Variants in UBA6 observed in about 807,000 individuals in gnomAD.
UBA6 encodes the protein ubiquitin-like modifier-activating enzyme 6.
A neutral mutation model predicts 148.3 loss-of-function variants in UBA6; 87 were observed. That is an observed-to-expected ratio of 0.59 (90% confidence interval 0.49 to 0.70). The LOEUF is 0.70. Among genes scored for constraint, UBA6 ranks in the 30% least tolerant of loss-of-function variants. UBA6 has a pLI of 0.00. For synonymous variants in UBA6, 376 were observed against 401.0 expected (o/e 0.94, Z 0.75); for missense variants, 1,186 against 1,241.2 (o/e 0.96, Z 0.67).
intron 2 of UBA6, among the ~76,000 whole-genome samples, chr4:67,695,695 T>C (rs1730816189): frequency 6.6e-6 from 1 of 152,176 alleles, no homozygotes; most frequent in African/African-American, 2.4e-5. Flanking sequence ...CAGTTAACCC[T>C]TATACAACAA....
At chr4:67,678,035 T>C (rs1293670639) in intron 5 of UBA6, among the ~76,000 whole-genome samples, 1 of 146,472 alleles carries the variant, frequency 6.8e-6, no homozygotes, top group Non-Finnish European at 1.5e-5. Flanking sequence ...TTCAAGGAAA[T>C]ACATTTCTAG....
intron 3 of UBA6, 148 bp downstream of exon 3, chr4:67,681,971 A>G: frequency 3.1e-6 from 2 of 644,966 alleles, no homozygotes; most frequent in Non-Finnish European, 5.5e-6. Context: ...ACATCACGAA[A>G]TAGTCTTGAC....
chr4:67,685,881 A>G (rs1577838406), intron 2 of UBA6, among the ~76,000 whole-genome samples: 1 of 152,298 alleles, frequency 6.6e-6, no homozygotes, highest in Admixed American at 6.5e-5. Flanking sequence ...CCTAGCCTCC[A>G]TAACTGTGAG....
intron 13 of UBA6, among the ~76,000 whole-genome samples, chr4:67,655,009 T>C (rs963727952): frequency 6.6e-6 from 1 of 152,194 alleles, no homozygotes; most frequent in Non-Finnish European, 1.5e-5. Flanking sequence ...TAAATATATA[T>C]GCACCCAATA....
rs768785234 is a variant in UBA6, at chr4:67,634,440, C to A, written c.1921G>T (p.Ala641Ser). 1.6e-5 allele frequency: 25 copies of A among 1,580,756 alleles called. No homozygotes were observed. The East Asian group carries it at 5.4e-4, about 34-fold the overall frequency. The change falls in exon 21 of 33, where the codon GCA becomes TCA. Residue 641 changes from alanine to serine, a missense_variant. Coordinates refer to ENST00000322244, the MANE Select transcript of UBA6 (RefSeq NM_018227.6). ...AAAGGAACTTTTACCTTATCTCTTGCCCACTGTATGGTATGTTCAATAGCA... is the reference window on the plus strand; with the variant it reads ...AAAGGAACTTTTACCTTATCTCTTGACCACTGTATGGTATGTTCAATAGCA... The part of the protein sequence containing the change: ...PAAIEHTIQW[A>S]RDKFESSFSH...
chr4:67,619,456 A>T (rs1232754313), intron 32 of UBA6, among the ~76,000 whole-genome samples: 2 of 152,100 alleles, frequency 1.3e-5, no homozygotes, highest in African/African-American at 4.8e-5. Context: ...CAGGCAGATC[A>T]CCTCAGGTCA....
intron 1 of UBA6, 69 bp downstream of exon 1, chr4:67,700,980 A>G: frequency 6.3e-7 from 1 of 1,591,110 alleles, no homozygotes. Context: ...CGCCGGAAAG[A>G]AAGAAGCAGA....
At chr4:67,628,248 C>T (rs997559814) in intron 27 of UBA6, among the ~76,000 whole-genome samples, 9 of 151,862 alleles carry the variant, frequency 5.9e-5, no homozygotes, top group African/African-American at 2.2e-4. Flanking sequence ...TCACTCTGAG[C>T]TACTAAGCTA....
chr4:67,644,437 A>G (rs1729374022), intron 17 of UBA6, among the ~76,000 whole-genome samples: 1 of 152,176 alleles, frequency 6.6e-6, no homozygotes, highest in South Asian at 2.1e-4. Context: ...GTTATGAGAT[A>G]GGTAGTACAA....
At chr4:67,632,022 A>G in intron 23 of UBA6, 114 bp from the exon 24 acceptor site, 1 of 949,862 alleles carries the variant, frequency 1.1e-6, no homozygotes, top group African/African-American at 1.7e-5. Flanking sequence ...TTCAAAAATC[A>G]AAACACATTA....
intron 20 of UBA6, 96 bp from the exon 21 acceptor site, chr4:67,634,614 C>G: frequency 1.3e-6 from 1 of 785,108 alleles, no homozygotes; most frequent in South Asian, 3.3e-5. Flanking sequence ...TATTAAAAAT[C>G]CAAAAATAAA....
intron 17 of UBA6, among the ~76,000 whole-genome samples, chr4:67,644,010 T>C (rs1215950276): frequency 6.6e-6 from 1 of 152,118 alleles, no homozygotes; most frequent in Non-Finnish European, 1.5e-5. Context: ...TATGATCTTT[T>C]GAATTGGAAT....
rs2109890173 is a variant in UBA6, at chr4:67,618,786, ATAGCCACGTGTGAACCGT to A, written c.*193_*210del. 2.3e-6 allele frequency: 1 copy of A among 432,132 alleles called. No homozygotes were observed. Among genetic ancestry groups the A allele is most frequent in the African/African-American group, 2.0e-5 (1 of 49,278 alleles). 26.8% of individuals were successfully genotyped at this position (432,132 alleles called of 1,614,324 possible). A position where few individuals can be genotyped will look rare whatever the true frequency, so the allele number is the denominator to read the frequency against. ...TTCCAGTTCAAAGTTGCTTGTGATC[ATAGCCACGTGTGAACCGT>A]TAGACAAGTGTATGCTATGCCCCAA... is the stretch of plus-strand genomic sequence containing the variant. On this transcript the variant is annotated 3_prime_UTR_variant, in exon 33 of 33. Transcript: ENST00000322244.
chr4:67,700,906 G>T, intron 1 of UBA6, 143 bp downstream of exon 1: 1 of 936,044 alleles, frequency 1.1e-6, no homozygotes, highest in Non-Finnish European at 1.6e-6. Context: ...CCCACTCCGC[G>T]CGCGCCCCTC....
At chr4:67,663,333 T>C (rs969300388) in intron 11 of UBA6, 118 bp from the exon 12 acceptor site, 3 of 618,234 alleles carry the variant, frequency 4.9e-6, no homozygotes, top group Non-Finnish European at 8.5e-6. Flanking sequence ...AGCTTAATAC[T>C]GTTATTAACT....
intron 28 of UBA6, 28 bp downstream of exon 28, chr4:67,626,332 A>G: frequency 6.8e-7 from 1 of 1,481,410 alleles, no homozygotes; most frequent in East Asian, 2.3e-5. Context: ...ATCCAGTTCA[A>G]AACATTTTTA....
intron 2 of UBA6, among the ~76,000 whole-genome samples, chr4:67,692,156 T>C (rs1730708615): frequency 1.3e-5 from 2 of 152,218 alleles, no homozygotes; most frequent in East Asian, 3.9e-4. Flanking sequence ...AAAGGATAGT[T>C]TGATAACTTT....
chr4:67,670,034 C>T (rs113130920), intron 8 of UBA6, among the ~76,000 whole-genome samples: 3,055 of 152,170 alleles, frequency 0.02, 71 homozygotes, highest in East Asian at 0.11. Flanking sequence ...CTGCAACTTC[C>T]GCCTCCCGGG....
intron 18 of UBA6, 138 bp from the exon 19 acceptor site, chr4:67,639,262 T>A: frequency 1.7e-6 from 1 of 602,596 alleles, no homozygotes; most frequent in Non-Finnish European, 2.7e-6. Flanking sequence ...ATGAGACCAG[T>A]TTTCATTTTT....
Sources: gnomAD v4.1 joint callset for allele counts (sites outside exome capture counted in the v4.1 genomes callset) on GRCh38, gnomAD v4.1.1 for gene constraint, MANE v1.5 for transcripts, NCBI Gene and HGNC (gene_info 2026-07-23, HGNC 2026-07-21) for gene names.